MYRIP: variants seen among roughly 807,000 people sequenced by gnomAD.
The protein encoded by MYRIP is myosin VIIA and Rab interacting protein, also known as rab effector MyRIP.
Under a neutral mutation model 98.0 loss-of-function variants are expected in MYRIP, and 49 were observed. That is an observed-to-expected ratio of 0.50 (90% confidence interval 0.40 to 0.63). MYRIP has a LOEUF of 0.63. MYRIP is among the 30% of genes least tolerant of loss of function. The probability of loss-of-function intolerance (pLI) is 0.00; values close to 1 mark genes in which losing one functional copy is unlikely to be tolerated. For synonymous variants in MYRIP, 404 were observed against 409.5 expected, an observed-to-expected ratio of 0.99 and a Z score of 0.16; for missense variants, 1,004 against 1,058.2, an observed-to-expected ratio of 0.95 and a Z score of 0.71.
At chr3:40,100,260 A>G (rs904711538) in intron 3 of MYRIP, 10 of 985,418 alleles carry the variant, frequency 1.0e-5, no homozygotes, top group Non-Finnish European at 1.2e-5. Context: ...GGTAATTTTA[A>G]TAATTAAGCA....
intron 2 of MYRIP, among the ~76,000 whole-genome samples, chr3:40,005,113 C>CT (rs1181917057): frequency 3.9e-5 from 6 of 152,302 alleles, no homozygotes; most frequent in South Asian, 2.1e-4. Flanking sequence ...GATTTAATTC[C>CT]TTTTTTATGG....
intron 5 of MYRIP, among the ~76,000 whole-genome samples, chr3:40,164,592 A>G (rs927275654): frequency 6.6e-6 from 1 of 152,236 alleles, no homozygotes; most frequent in East Asian, 1.9e-4. Flanking sequence ...CACCTGGACT[A>G]GTGTTTGATT....
At chr3:40,179,789 G>A (rs1033225447) in intron 8 of MYRIP, among the ~76,000 whole-genome samples, 3 of 152,178 alleles carry the variant, frequency 2.0e-5, no homozygotes, top group African/African-American at 4.8e-5. Flanking sequence ...AGTGCACAAC[G>A]ATAACAGTGT....
At chr3:39,938,780 T>C (rs1039267155) in intron 2 of MYRIP, among the ~76,000 whole-genome samples, 6 of 152,152 alleles carry the variant, frequency 3.9e-5, no homozygotes, top group Non-Finnish European at 7.4e-5. Context: ...GCTGGAATTA[T>C]AGGCATGCAC....
chr3:40,161,851 G>A (rs1336673635), intron 4 of MYRIP, among the ~76,000 whole-genome samples: 2 of 152,118 alleles, frequency 1.3e-5, no homozygotes, highest in African/African-American at 4.8e-5. Context: ...GATCTTACCA[G>A]GTCATCTCTG....
At chr3:39,996,458 A>G (rs1187520422) in intron 2 of MYRIP, among the ~76,000 whole-genome samples, 3 of 152,210 alleles carry the variant, frequency 2.0e-5, no homozygotes, top group African/African-American at 7.2e-5. Flanking sequence ...AATGGTAAAG[A>G]GATCAATTCA....
intron 1 of MYRIP, among the ~76,000 whole-genome samples, chr3:39,818,117 C>T (rs2125568477): frequency 6.6e-6 from 1 of 152,280 alleles, no homozygotes; most frequent in South Asian, 2.1e-4. Context: ...TCTTTTAAGA[C>T]ATTAGGCACT....
chr3:40,038,660 G>T (rs1355386594), intron 2 of MYRIP, among the ~76,000 whole-genome samples: 1 of 151,948 alleles, frequency 6.6e-6, no homozygotes, highest in Non-Finnish European at 1.5e-5. Flanking sequence ...CATTTTTTAG[G>T]TTTCATAATT....
In MYRIP at chr3:39,938,526, T is replaced by C. The variant is rs181598549; in HGVS notation, c.110+37600T>C. Among the ~76,000 whole-genome samples, 29 of 152,152 alleles carry C rather than the reference T, an allele frequency of 1.9e-4. 1 individual carries two copies. The highest frequency in any genetic ancestry group is 6.6e-4 in the Admixed American group (10 of 15,256). ...GCTAGGTCATAGAGAATGCATGTAT[T>C]AGGGCAGATATTGCCAAATAGTTTT... On this transcript the variant is annotated intron_variant, in intron 2 of 16. Coordinates refer to ENST00000302541, the MANE Select transcript of MYRIP (RefSeq NM_015460.4).
chr3:39,891,513 G>C (rs1470403346), intron 1 of MYRIP, among the ~76,000 whole-genome samples: 1 of 151,986 alleles, frequency 6.6e-6, no homozygotes, highest in Admixed American at 6.6e-5. Context: ...ATAAAATGTG[G>C]GGTAGTAAAC....
intron 2 of MYRIP, among the ~76,000 whole-genome samples, chr3:40,020,641 A>C (rs894046336): frequency 2.0e-5 from 3 of 152,232 alleles, no homozygotes; most frequent in African/African-American, 7.2e-5. Context: ...ACGTATGGGT[A>C]CAGAATATCA....
chr3:40,155,752 G>C (rs1220960934), intron 4 of MYRIP, among the ~76,000 whole-genome samples: 1 of 152,066 alleles, frequency 6.6e-6, no homozygotes, highest in Non-Finnish European at 1.5e-5. Flanking sequence ...GTGATGGCGA[G>C]CATTTTTTCA....
chr3:39,930,616 G>A (rs1299468035), intron 2 of MYRIP, among the ~76,000 whole-genome samples: 1 of 151,938 alleles, frequency 6.6e-6, no homozygotes, highest in African/African-American at 2.4e-5. Flanking sequence ...AGGTTGTAAA[G>A]ATTTACATCT....
At chr3:40,165,529 T>C (rs1476415341) in intron 5 of MYRIP, among the ~76,000 whole-genome samples, 1 of 152,182 alleles carries the variant, frequency 6.6e-6, no homozygotes, top group Non-Finnish European at 1.5e-5. Context: ...AGGTTGAAAT[T>C]GGGGACAAGG....
At chr3:40,082,361 C>T (rs1312429543) in intron 3 of MYRIP, among the ~76,000 whole-genome samples, 3 of 152,182 alleles carry the variant, frequency 2.0e-5, no homozygotes, top group Admixed American at 1.3e-4. Flanking sequence ...TTATGAACCT[C>T]ACCATTGCGG....
rs1953666887 is a variant in MYRIP, at chr3:40,258,372, C to CCTAA, written c.*206_*207insCTAA. 1 of 532,264 alleles carries CCTAA rather than the reference C, an allele frequency of 1.9e-6. No individual in the cohort carries two copies. The highest frequency in any genetic ancestry group is 3.4e-6 in the Non-Finnish European group (1 of 296,330). The allele number at this position is 532,264 out of a possible 1,614,324, so 33.0% of individuals were successfully genotyped here. On this transcript the variant is annotated 3_prime_UTR_variant, in exon 17 of 17. Transcript: ENST00000302541. ...CACTGCGGTCTTGCCCACTCTCTGC[C>CCTAA]TTAGGCTCCCAGGGGAATCCAAGAC...
intron 2 of MYRIP, among the ~76,000 whole-genome samples, chr3:40,032,550 T>A (rs1462432537): frequency 2.6e-5 from 4 of 151,966 alleles, no homozygotes; most frequent in Non-Finnish European, 5.9e-5. Flanking sequence ...GTCCACTTGG[T>A]GCAGGCTCTG....
intron 2 of MYRIP, among the ~76,000 whole-genome samples, chr3:39,960,982 CG>C (rs2125732761): frequency 6.6e-6 from 1 of 152,182 alleles, no homozygotes; most frequent in East Asian, 1.9e-4. Context: ...AATGTCATGC[CG>C]AATGGAATGG....
chr3:40,214,615 C>T (rs954403219), intron 11 of MYRIP, among the ~76,000 whole-genome samples: 1 of 152,140 alleles, frequency 6.6e-6, no homozygotes, highest in Non-Finnish European at 1.5e-5. Context: ...GGAGCCAGAT[C>T]AAAACTTCTT....
Sources: allele counts gnomAD v4.1 joint callset (sites outside exome capture counted in the v4.1 genomes callset), GRCh38; gene constraint gnomAD v4.1.1; transcripts MANE v1.5; gene names NCBI Gene and HGNC (gene_info 2026-07-23, HGNC 2026-07-21).